ARMC9: variants seen among roughly 807,000 people sequenced by gnomAD.
The protein encoded by ARMC9 is armadillo repeat containing 9.
A neutral mutation model predicts 107.0 loss-of-function variants in ARMC9; 94 were observed. The ratio of observed to expected loss-of-function variants is 0.88; its 90% CI spans 0.74 to 1.04. ARMC9 has a LOEUF of 1.04. Ranked by LOEUF, ARMC9 falls within the 50% of genes least tolerant of loss-of-function variation. The pLI is 0.00. For synonymous variants in ARMC9, 380 were observed against 396.9 expected (o/e 0.96, Z 0.51); for missense variants, 942 against 1,030.1 (o/e 0.91, Z 1.17).
chr2:231,282,616 G>A (rs1435810114), intron 17 of ARMC9, among the ~76,000 whole-genome samples: 2 of 152,208 alleles, frequency 1.3e-5, no homozygotes, highest in Non-Finnish European at 2.9e-5. Context: ...TTTCTACCAT[G>A]TGAAACCAGA....
chr2:231,341,384 A>G (rs1467592854), intron 20 of ARMC9, among the ~76,000 whole-genome samples: 2 of 152,184 alleles, frequency 1.3e-5, no homozygotes, highest in Non-Finnish European at 2.9e-5. Flanking sequence ...CTGCCCCTAC[A>G]GTGCTTTCCT....
intron 9 of ARMC9, among the ~76,000 whole-genome samples, chr2:231,251,630 G>A (rs1016275166): frequency 1.3e-5 from 2 of 152,204 alleles, no homozygotes; most frequent in East Asian, 1.9e-4. Context: ...TCTTCACTGC[G>A]TATCACTAGC....
At chr2:231,292,544 C>T (rs538678508) in intron 18 of ARMC9, among the ~76,000 whole-genome samples, 1 of 152,302 alleles carries the variant, frequency 6.6e-6, no homozygotes, top group South Asian at 2.1e-4. Context: ...AACCCACATC[C>T]CATAGTAAGC....
intron 5 of ARMC9, among the ~76,000 whole-genome samples, chr2:231,221,785 C>G (rs543241081): frequency 2.0e-5 from 3 of 146,994 alleles, no homozygotes; most frequent in African/African-American, 5.1e-5. Flanking sequence ...GAGCATAGAT[C>G]GAGCCACTGC....
rs181376086 is a variant in ARMC9, at chr2:231,322,851, G to A, written c.1774-8942G>A. Among the ~76,000 whole-genome samples the A allele has an allele frequency of 1.2e-4, 18 of 152,218 alleles. No homozygotes were observed. The East Asian group carries it at 2.9e-3, about 24-fold the overall frequency. ...GGTATTTAAGACCCACCCTAACGAG[G>A]CATTTATTCTTGAGTATTTCTTTAT... On this transcript the variant is annotated intron_variant, in intron 19 of 24. Transcript: ENST00000611582.
intron 18 of ARMC9, among the ~76,000 whole-genome samples, chr2:231,292,420 T>G (rs985877412): frequency 2.6e-5 from 4 of 152,160 alleles, no homozygotes; most frequent in Admixed American, 6.5e-5. Context: ...TGTAAGAAAC[T>G]TCATCATTTT....
At chr2:231,355,703 G>A (rs1009793851) in intron 21 of ARMC9, 95 bp from the exon 22 acceptor site, 7 of 1,382,856 alleles carry the variant, frequency 5.1e-6, no homozygotes, top group East Asian at 2.5e-5. Flanking sequence ...TTGAGGCACC[G>A]CCCCCTCCTG....
At chr2:231,283,770 G>A (rs1292797501) in intron 17 of ARMC9, among the ~76,000 whole-genome samples, 1 of 152,066 alleles carries the variant, frequency 6.6e-6, no homozygotes, top group Non-Finnish European at 1.5e-5. Context: ...TTGCTCTTTT[G>A]CCCAGGCTGG....
intron 9 of ARMC9, among the ~76,000 whole-genome samples, chr2:231,251,155 T>G (rs955848228): frequency 6.6e-6 from 1 of 152,028 alleles, no homozygotes; most frequent in Non-Finnish European, 1.5e-5. Flanking sequence ...CTTTTTTCTT[T>G]TCTTTTTCTG....
Position 231,371,842 on chromosome 2 carries a change from A to G in ARMC9, c.*307A>G, listed in dbSNP as rs1233949021. On this transcript the variant is annotated 3_prime_UTR_variant, in exon 25 of 25. Coordinates refer to ENST00000611582, the MANE Select transcript of ARMC9 (RefSeq NM_001352754.2). ...GAGGGGTGGCTTTTGCCCGCAGGAG[A>G]TCTTCTGGCCCCAGAAACAGCAGGT... 1.3e-5 allele frequency: 4 copies of G among 319,766 alleles called. No individual in the cohort carries two copies. The highest frequency in any genetic ancestry group is 1.7e-5 in the Non-Finnish European group (3 of 175,950). 19.8% of individuals were successfully genotyped at this position (319,766 alleles called of 1,614,324 possible).
At chr2:231,329,822 T>G (rs2043599060) in intron 19 of ARMC9, among the ~76,000 whole-genome samples, 1 of 152,164 alleles carries the variant, frequency 6.6e-6, no homozygotes, top group African/African-American at 2.4e-5. Flanking sequence ...CTAGGAGGGT[T>G]TTTTGTGTGT....
At chr2:231,216,602 C>T (rs949206915) in intron 4 of ARMC9, 36 bp from the exon 5 acceptor site, 1 of 1,602,548 alleles carries the variant, frequency 6.2e-7, no homozygotes. Context: ...GGGCATTGAT[C>T]TGGAGACCTC....
intron 17 of ARMC9, among the ~76,000 whole-genome samples, chr2:231,288,091 A>C (rs1355804962): frequency 6.6e-6 from 1 of 152,208 alleles, no homozygotes; most frequent in East Asian, 1.9e-4. Context: ...CCAAACTCAT[A>C]GGATTGAAAG....
In ARMC9 at chr2:231,371,718, A is replaced by C. The variant is rs1332404135; in HGVS notation, c.*183A>C. 1.8e-6 allele frequency: 1 copy of C among 550,628 alleles called. No homozygotes were observed. The highest frequency in any genetic ancestry group is 2.7e-6 in the Non-Finnish European group (1 of 366,294). 34.1% of individuals were successfully genotyped at this position (550,628 alleles called of 1,614,324 possible). ...CCATCGCAGCCCCGCCAGCCGGGTC[A>C]CTTTCTCCCAGGGCAGAGCCACCAA... On this transcript the variant is annotated 3_prime_UTR_variant, in exon 25 of 25. Coordinates refer to ENST00000611582, the MANE Select transcript of ARMC9 (RefSeq NM_001352754.2).
At chr2:231,201,683 C>T (rs2031001032) in intron 1 of ARMC9, among the ~76,000 whole-genome samples, 1 of 152,216 alleles carries the variant, frequency 6.6e-6, no homozygotes, top group Non-Finnish European at 1.5e-5. Flanking sequence ...TGTTCCCCTC[C>T]CCCATTCTTA....
chr2:231,345,340 GC>G, intron 21 of ARMC9: 1 of 571,496 alleles, frequency 1.7e-6, no homozygotes. Flanking sequence ...ACAAATGTTG[GC>G]CAGAGTAATT....
rs1400454766 is a variant in ARMC9, at chr2:231,226,480, TGGAAGGGGATA to T, written c.598-279_598-269del. ...GCTTGGTAGCAGTGGGGAAGGCCTT[TGGAAGGGGATA>T]GGAAGGGGATAGGAGGCTGTTGAAA... On this transcript the variant is annotated intron_variant, in intron 6 of 24. Coordinates refer to ENST00000611582, the MANE Select transcript of ARMC9 (RefSeq NM_001352754.2). Among the ~76,000 whole-genome samples, 7 of 152,280 alleles carry T rather than the reference TGGAAGGGGATA, an allele frequency of 4.6e-5. No homozygotes were observed. In the East Asian group the frequency reaches 5.8e-4, roughly 13 times the overall value.
In ARMC9 at chr2:231,373,015, G is replaced by C. The variant is rs2046087475; in HGVS notation, c.*1480G>C. 6.6e-6 allele frequency: 1 copy of C among 152,296 alleles called. No individual in the cohort carries two copies. Among genetic ancestry groups the C allele is most frequent in the Admixed American group, 6.5e-5 (1 of 15,296 alleles). The allele number at this position is 152,296 out of a possible 1,614,324, so 9.4% of individuals were successfully genotyped here. ...TGGTTCATCTCGTGAATTCTTGGCA[G>C]CGGCTCCAGGCTGGGCACATTAGAT... On this transcript the variant is annotated 3_prime_UTR_variant, in exon 25 of 25. Transcript: ENST00000611582. This position sits in a 1 kb window ranked among gnomAD's most constrained non-coding sequence, Gnocchi z 4.4.
At chr2:231,281,504 G>A (rs1245135961) in intron 16 of ARMC9, among the ~76,000 whole-genome samples, 2 of 152,180 alleles carry the variant, frequency 1.3e-5, no homozygotes, top group Non-Finnish European at 2.9e-5. Context: ...TCTATGGAAG[G>A]TTTCGGAGAT....
Sources: allele counts gnomAD v4.1 joint callset (sites outside exome capture counted in the v4.1 genomes callset), GRCh38; gene constraint gnomAD v4.1.1; non-coding constraint Gnocchi (gnomAD v3.1); transcripts MANE v1.5; gene names NCBI Gene and HGNC (gene_info 2026-07-23, HGNC 2026-07-21).